The following DCAF1 variants were observed in gnomAD, a reference collection of about 807,000 sequenced individuals.
The protein encoded by DCAF1 is DDB1- and CUL4-associated factor 1.
Under a neutral mutation model 128.0 loss-of-function variants are expected in DCAF1, and 15 were observed. The observed-to-expected ratio is 0.12, with a 90% confidence interval of 0.08 to 0.18. The LOEUF (loss-of-function observed/expected upper bound fraction) is 0.18. Ranked by LOEUF, DCAF1 falls within the 10% of genes least tolerant of loss-of-function variation. The pLI is 1.00. For missense variants in DCAF1, 988 were observed against 1,649.5 expected, an observed-to-expected ratio of 0.60 and a Z score of 6.95; for synonymous variants, 610 against 603.0, an observed-to-expected ratio of 1.01 and a Z score of -0.17.
At chr3:51,430,960 T>C (rs1240273723) in intron 10 of DCAF1, among the ~76,000 whole-genome samples, 2 of 152,094 alleles carry the variant, frequency 1.3e-5, no homozygotes, top group Non-Finnish European at 2.9e-5. Flanking sequence ...CAGGAGCCCA[T>C]CGCTTTTCAA....
intron 2 of DCAF1, among the ~76,000 whole-genome samples, chr3:51,494,349 C>T (rs1708006042): frequency 6.6e-6 from 1 of 151,902 alleles, no homozygotes; most frequent in Non-Finnish European, 1.5e-5. Context: ...CTCCTGACCT[C>T]GTGATCCACC....
chr3:51,445,989 CTTTTTTTT>C (rs782164524), intron 6 of DCAF1, among the ~76,000 whole-genome samples: 1 of 117,632 alleles, frequency 8.5e-6, no homozygotes, highest in Non-Finnish European at 1.8e-5. Context: ...AACCTAAGTT[CTTTTTTTT>C]TTTTTTTTTT....
chr3:51,488,986 A>G (rs1458629440), intron 2 of DCAF1, among the ~76,000 whole-genome samples: 1 of 152,164 alleles, frequency 6.6e-6, no homozygotes, highest in African/African-American at 2.4e-5. Context: ...GGGGAGTAAC[A>G]CTCAATAAAC....
chr3:51,418,555 T>G (rs373760531), intron 16 of DCAF1, 123 bp downstream of exon 16: 1 of 1,461,928 alleles, frequency 6.8e-7, no homozygotes, highest in Admixed American at 2.7e-5. Flanking sequence ...TAACCTCAAC[T>G]AGACTTTCCA....
chr3:51,495,865 A>C (rs1287759565), intron 2 of DCAF1, among the ~76,000 whole-genome samples: 1 of 152,116 alleles, frequency 6.6e-6, no homozygotes, highest in Non-Finnish European at 1.5e-5. Flanking sequence ...GGCTCACTGC[A>C]ACCTGTAGTC....
Position 51,430,123 on chromosome 3 carries a change from A to G in DCAF1, c.1377T>C (p.His459=), listed in dbSNP as rs781789221. The change falls in exon 11 of 25, where the codon CAT becomes CAC. Residue 459 remains histidine (H), a synonymous_variant. Coordinates refer to ENST00000684031, the MANE Select transcript of DCAF1 (RefSeq NM_001387579.1). ...MECSHASGCC[H]ATMFFSICFS... ...AGCAAATTGAAAAAAACATGGTAGC[A>G]TGGCAGCATCCTGAAGCATGAGAAC... 1 of 780,836 alleles carries G rather than the reference A, an allele frequency of 1.3e-6. No homozygotes were observed. The highest frequency in any genetic ancestry group is 2.4e-5 in the East Asian group (1 of 41,276). 48.4% of individuals were successfully genotyped at this position (780,836 alleles called of 1,614,324 possible). A position where few individuals can be genotyped will look rare whatever the true frequency, so the allele number is the denominator to read the frequency against.
In DCAF1 at chr3:51,419,793, T is replaced by C. The variant is rs1699232795; in HGVS notation, c.3177A>G (p.Ser1059=). 1.2e-6 allele frequency: 2 copies of C among 1,614,002 alleles called. No individual in the cohort carries two copies. The highest frequency in any genetic ancestry group is 1.1e-5 in the South Asian group (1 of 91,080). ...NFTSRLNRRA[S]FPKYGGVDGG... is the part of the protein sequence containing the mutation. ...CATCCACCCCTCCATACTTTGGAAATGATGCCCTGCGGTTTAGCCTTGACG... is the reference window on the plus strand; with the variant it reads ...CATCCACCCCTCCATACTTTGGAAACGATGCCCTGCGGTTTAGCCTTGACG... The change falls in exon 15 of 25, where the codon TCA becomes TCG. Residue 1059 remains serine (S), a synonymous_variant. Coordinates refer to ENST00000684031, the MANE Select transcript of DCAF1 (RefSeq NM_001387579.1).
At position 51,398,844 on chromosome 3, in the gene DCAF1, G is replaced by C. The variant is rs2089421100; in HGVS notation, c.4466-17C>G. On this transcript the variant is annotated splice_polypyrimidine_tract_variant and intron_variant, in intron 24 of 24. Coordinates refer to ENST00000684031, the MANE Select transcript of DCAF1 (RefSeq NM_001387579.1). ...AGCTGTCAGCTGAAAGGGAAGAAAAGGGAGAGACAAGATTACACACTAGGC... is the reference window on the plus strand; with the variant it reads ...AGCTGTCAGCTGAAAGGGAAGAAAACGGAGAGACAAGATTACACACTAGGC... 2 of 1,575,426 alleles carry C rather than the reference G, an allele frequency of 1.3e-6. No individual in the cohort carries two copies. Among genetic ancestry groups the C allele is most frequent in the Non-Finnish European group, 1.7e-6 (2 of 1,159,840 alleles).
intron 13 of DCAF1, among the ~76,000 whole-genome samples, chr3:51,423,933 C>G (rs1320268975): frequency 6.6e-6 from 1 of 151,758 alleles, no homozygotes; most frequent in Non-Finnish European, 1.5e-5. Flanking sequence ...GACAAGAGCA[C>G]CATATGTGTT....
At chr3:51,407,198 T>G (rs1198494547) in intron 23 of DCAF1, among the ~76,000 whole-genome samples, 1 of 151,580 alleles carries the variant, frequency 6.6e-6, no homozygotes, top group Non-Finnish European at 1.5e-5. Flanking sequence ...AAACCGTCAT[T>G]CAAATCTGAT....
At chr3:51,409,456 C>T (rs1698201457) in intron 23 of DCAF1, among the ~76,000 whole-genome samples, 1 of 152,154 alleles carries the variant, frequency 6.6e-6, no homozygotes, top group African/African-American at 2.4e-5. Context: ...TGATGGTTCC[C>T]AGAGAAGACT....
chr3:51,402,836 G>A (rs782451874), intron 24 of DCAF1, among the ~76,000 whole-genome samples: 2 of 152,150 alleles, frequency 1.3e-5, no homozygotes, highest in South Asian at 2.1e-4. Context: ...AGCCTCCAAA[G>A]TGCTGGGATT....
At chr3:51,461,526 T>C (rs1301213345) in intron 6 of DCAF1, among the ~76,000 whole-genome samples, 6 of 151,864 alleles carry the variant, frequency 4.0e-5, no homozygotes, top group African/African-American at 1.4e-4. Flanking sequence ...GATCTAGAAC[T>C]AGAAATACCA....
At chr3:51,479,961 T>C (rs1189979843) in intron 3 of DCAF1, among the ~76,000 whole-genome samples, 1 of 151,642 alleles carries the variant, frequency 6.6e-6, no homozygotes, top group Admixed American at 6.6e-5. Context: ...AGAAGGAACA[T>C]TTGCAGTGAG....
intron 24 of DCAF1, among the ~76,000 whole-genome samples, chr3:51,399,262 A>C (rs1177321229): frequency 6.6e-6 from 1 of 152,272 alleles, no homozygotes; most frequent in East Asian, 1.9e-4. Flanking sequence ...AGGCAGGCTA[A>C]GACCAGGCAA....
intron 3 of DCAF1, among the ~76,000 whole-genome samples, chr3:51,472,217 C>T (rs1553648650): frequency 2.6e-5 from 4 of 152,112 alleles, no homozygotes; most frequent in Non-Finnish European, 4.4e-5. Context: ...AACCTTCGGT[C>T]ACTGTTCTTC....
At chr3:51,417,786 A>G (rs1355597470) in intron 17 of DCAF1, among the ~76,000 whole-genome samples, 4 of 142,526 alleles carry the variant, frequency 2.8e-5, no homozygotes, top group African/African-American at 1.0e-4. Context: ...GAGGAGAGAG[A>G]AAAGGAGGGG....
rs1553623725 is a variant in DCAF1 at position 51,398,198 on chromosome 3, T to C, written c.*571A>G. 2 of 152,046 alleles carry C rather than the reference T, an allele frequency of 1.3e-5. No homozygotes were observed. Among genetic ancestry groups the C allele is most frequent in the African/African-American group, 4.8e-5 (2 of 41,436 alleles). The allele number at this position is 152,046 out of a possible 1,614,324, so 9.4% of individuals were successfully genotyped here. A position where few individuals can be genotyped will look rare whatever the true frequency, so the allele number is the denominator to read the frequency against. ...ACAGGTTAAAAAATCATATATTATA[T>C]TTATAATAAAATATTCTTAATCCTT... is the stretch of plus-strand genomic sequence containing the variant. On this transcript the variant is annotated 3_prime_UTR_variant, in exon 25 of 25. Coordinates refer to ENST00000684031, the MANE Select transcript of DCAF1 (RefSeq NM_001387579.1).
intron 9 of DCAF1, among the ~76,000 whole-genome samples, chr3:51,439,474 C>T (rs1408023712): frequency 1.5e-5 from 2 of 137,492 alleles, no homozygotes; most frequent in Non-Finnish European, 3.1e-5. Flanking sequence ...CAGAGTCTCA[C>T]TCTGTTGCCC....
Sources: allele counts gnomAD v4.1 joint callset (sites outside exome capture counted in the v4.1 genomes callset), GRCh38; gene constraint gnomAD v4.1.1; transcripts MANE v1.5; gene names NCBI Gene and HGNC (gene_info 2026-07-23, HGNC 2026-07-21).